The following JAZF1 variants were observed in gnomAD, a reference collection of about 807,000 sequenced individuals.
JAZF1 encodes the protein juxtaposed with another zinc finger protein 1.
Under a neutral mutation model 26.4 loss-of-function variants are expected in JAZF1, and 8 were observed. That is an observed-to-expected ratio of 0.30 (90% CI 0.18 to 0.55). The LOEUF (loss-of-function observed/expected upper bound fraction) is 0.55. JAZF1 is among the 20% of genes least tolerant of loss of function. JAZF1 has a pLI of 0.94. For missense variants in JAZF1, 199 were observed against 322.0 expected (o/e 0.62, Z 2.92); for synonymous variants, 126 against 122.3 (o/e 1.03, Z -0.20).
At chr7:27,873,214 T>G (rs151134229) in intron 3 of JAZF1, among the ~76,000 whole-genome samples, 5 of 152,310 alleles carry the variant, frequency 3.3e-5, no homozygotes, top group Non-Finnish European at 1.5e-5. Flanking sequence ...CCCAGGCTAA[T>G]GAAATAACCT....
chr7:27,859,950 G>T (rs1296296764), intron 3 of JAZF1, among the ~76,000 whole-genome samples: 2 of 152,200 alleles, frequency 1.3e-5, no homozygotes, highest in Admixed American at 1.3e-4. Context: ...AGTAAATGAT[G>T]ATGTGCAAAA....
At chr7:28,146,085 T>C (rs925119343) in intron 1 of JAZF1, among the ~76,000 whole-genome samples, 1 of 152,256 alleles carries the variant, frequency 6.6e-6, no homozygotes, top group African/African-American at 2.4e-5. Context: ...GATTTTGTCT[T>C]TGGCAGAAAT....
At chr7:27,995,460 G>C (rs976188412) in intron 1 of JAZF1, among the ~76,000 whole-genome samples, 1 of 152,064 alleles carries the variant, frequency 6.6e-6, no homozygotes, top group South Asian at 2.1e-4. Flanking sequence ...AGCAGGGCAG[G>C]GTAGGGCCAA....
chr7:27,869,994 T>G (rs1018817936), intron 3 of JAZF1, among the ~76,000 whole-genome samples: 1 of 152,028 alleles, frequency 6.6e-6, no homozygotes, highest in Non-Finnish European at 1.5e-5. Flanking sequence ...CTGCAACCTC[T>G]GCATCCTGGG....
chr7:27,892,453 T>C (rs1171723290), intron 3 of JAZF1, among the ~76,000 whole-genome samples: 3 of 152,220 alleles, frequency 2.0e-5, no homozygotes, highest in Non-Finnish European at 4.4e-5. Flanking sequence ...ACTTTTAAAC[T>C]GTCTTTATTT....
chr7:27,969,275 TTCTGG>T (rs1785333021), intron 2 of JAZF1, among the ~76,000 whole-genome samples: 2 of 152,078 alleles, frequency 1.3e-5, no homozygotes, highest in Admixed American at 1.3e-4. Flanking sequence ...CAGATCCCAT[TTCTGG>T]TCTTGGCATG....
intron 3 of JAZF1, chr7:27,863,750 T>G (rs887215002): frequency 1.3e-4 from 20 of 152,210 alleles, no homozygotes; most frequent in African/African-American, 4.6e-4. Context: ...GCCACTGTCT[T>G]GTGACTACGC....
chr7:28,035,340 A>AAAAAAAAG (rs1562565710), intron 1 of JAZF1, among the ~76,000 whole-genome samples: 21 of 145,406 alleles, frequency 1.4e-4, no homozygotes, highest in East Asian at 4.3e-4. Context: ...AAAAAAAAAA[A>AAAAAAAAG]AAAGAAAGAA....
In JAZF1 at chr7:27,830,681, A is replaced by G. The variant is rs1271549905; in HGVS notation, c.*2119T>C. 12 of 189,286 alleles carry G rather than the reference A, an allele frequency of 6.3e-5. No homozygotes were observed. Among genetic ancestry groups the G allele is most frequent in the African/African-American group, 1.4e-4 (6 of 42,824 alleles). 11.7% of individuals were successfully genotyped at this position (189,286 alleles called of 1,614,324 possible). A position where few individuals can be genotyped will look rare whatever the true frequency, so the allele number is the denominator to read the frequency against. On this transcript the variant is annotated 3_prime_UTR_variant, in exon 5 of 5. Transcript: ENST00000283928. ...TAAATTGCCTTCAGTTCTAAAACAA[A>G]CCTCTGTTGCTTTCAGACTTAATGT...
chr7:28,129,197 G>A (rs1010333841), intron 1 of JAZF1, among the ~76,000 whole-genome samples: 2 of 152,110 alleles, frequency 1.3e-5, no homozygotes, highest in Admixed American at 6.5e-5. Context: ...ATATTTTAGA[G>A]AGAATCATAT....
chr7:27,985,445 A>C (rs1376268796), intron 2 of JAZF1, among the ~76,000 whole-genome samples: 2 of 152,224 alleles, frequency 1.3e-5, no homozygotes, highest in Non-Finnish European at 2.9e-5. Flanking sequence ...AGGTTCTGAA[A>C]TTGAGGCAAT....
At chr7:27,874,906 G>A (rs1382112618) in intron 3 of JAZF1, among the ~76,000 whole-genome samples, 4 of 152,154 alleles carry the variant, frequency 2.6e-5, no homozygotes, top group African/African-American at 7.2e-5. Flanking sequence ...ATGTTGGACC[G>A]GCAGTGCTGG....
chr7:28,115,751 T>C (rs1478615141), intron 1 of JAZF1, among the ~76,000 whole-genome samples: 2 of 152,180 alleles, frequency 1.3e-5, no homozygotes, highest in East Asian at 3.8e-4. Context: ...TTATCCATGC[T>C]ATCCCCCACC....
intron 2 of JAZF1, among the ~76,000 whole-genome samples, chr7:27,988,689 T>TA (rs993752400): frequency 1.3e-5 from 2 of 151,776 alleles, no homozygotes; most frequent in African/African-American, 2.4e-5. Flanking sequence ...ATGTCATAGG[T>TA]AAAAAAAATA....
chr7:27,879,651 T>C (rs762607056), intron 3 of JAZF1, among the ~76,000 whole-genome samples: 18 of 152,076 alleles, frequency 1.2e-4, no homozygotes, highest in African/African-American at 3.4e-4. Flanking sequence ...GCTCAAGATA[T>C]AGGGTCATGA....
At chr7:28,017,476 C>T (rs1782916039) in intron 1 of JAZF1, among the ~76,000 whole-genome samples, 1 of 151,906 alleles carries the variant, frequency 6.6e-6, no homozygotes, top group African/African-American at 2.4e-5. Flanking sequence ...ATTGTACATA[C>T]TGTCGCCGTT....
At chr7:28,023,201 C>T (rs1419190337) in intron 1 of JAZF1, among the ~76,000 whole-genome samples, 1 of 152,090 alleles carries the variant, frequency 6.6e-6, no homozygotes, top group African/African-American at 2.4e-5. Context: ...GAAACGAGTC[C>T]AGCCGTGAAG....
In JAZF1 at chr7:27,941,147, T is replaced by C. The variant is rs117464245; in HGVS notation, c.189-45731A>G. Among the ~76,000 whole-genome samples the C allele has an allele frequency of 7.4e-3, 1,124 of 152,350 alleles. 3 individuals are homozygous for C. Among genetic ancestry groups the C allele is most frequent in the Middle Eastern group, 0.062 (18 of 292 alleles). Reference sequence around the variant, plus strand: ...AGTTGTCATTTTACTAATGCAGAGATACCAAAGCTCCTAGAATAGCTGCAC... The same window carrying C: ...AGTTGTCATTTTACTAATGCAGAGACACCAAAGCTCCTAGAATAGCTGCAC... On this transcript the variant is annotated intron_variant, in intron 2 of 4. Transcript: ENST00000283928.
chr7:28,142,595 C>G (rs1218225107), intron 1 of JAZF1, among the ~76,000 whole-genome samples: 1 of 152,144 alleles, frequency 6.6e-6, no homozygotes, highest in East Asian at 1.9e-4. Context: ...TTTTAGCTCC[C>G]AGCACAAAGG....
Sources: gnomAD v4.1 joint callset for allele counts (sites outside exome capture counted in the v4.1 genomes callset) on GRCh38, gnomAD v4.1.1 for gene constraint, MANE v1.5 for transcripts, NCBI Gene and HGNC (gene_info 2026-07-23, HGNC 2026-07-21) for gene names.